PITPNC1: variants seen among roughly 807,000 people sequenced by gnomAD.
The protein encoded by PITPNC1 is cytoplasmic phosphatidylinositol transfer protein 1.
A neutral mutation model predicts 44.7 loss-of-function variants in PITPNC1; 18 were observed. The ratio of observed to expected loss-of-function variants is 0.40; its 90% CI spans 0.28 to 0.60. The LOEUF (loss-of-function observed/expected upper bound fraction) is 0.60, where lower values mean the gene tolerates loss of function less well. PITPNC1 is among the 20% of genes least tolerant of loss of function. PITPNC1 has a pLI of 0.39. For missense variants in PITPNC1, 290 were observed against 418.4 expected, an observed-to-expected ratio of 0.69 and a Z score of 2.68; for synonymous variants, 141 against 149.6, an observed-to-expected ratio of 0.94 and a Z score of 0.42.
chr17:67,378,085 G>C lies in PITPNC1; in HGVS notation c.-70G>C. ...GCTCCGGGCGCCCTGCCCTGCGCCTGGGCAGCAGCCTTGCTGGTCTTGGGG... is the reference window on the plus strand; with the variant it reads ...GCTCCGGGCGCCCTGCCCTGCGCCTCGGCAGCAGCCTTGCTGGTCTTGGGG... On this transcript the variant is annotated 5_prime_UTR_variant, in exon 1 of 9. Transcript: ENST00000581322. The C allele has an allele frequency of 8.9e-7, 1 of 1,128,212 alleles. No individual in the cohort carries two copies. The highest frequency in any genetic ancestry group is 1.2e-6 in the Non-Finnish European group (1 of 812,816). 69.9% of individuals were successfully genotyped at this position (1,128,212 alleles called of 1,614,324 possible). A position where few individuals can be genotyped will look rare whatever the true frequency, so the allele number is the denominator to read the frequency against.
chr17:67,629,274 T>C (rs2041936391), intron 5 of PITPNC1, among the ~76,000 whole-genome samples: 1 of 7,108 alleles, frequency 1.4e-4, no homozygotes, highest in South Asian at 3.6e-3. Context: ...GTGGTTTTTG[T>C]TGTTGTTGTT....
chr17:67,595,404 C>G (rs1568057522), intron 5 of PITPNC1, among the ~76,000 whole-genome samples: 1 of 151,836 alleles, frequency 6.6e-6, no homozygotes, highest in Admixed American at 6.6e-5. Flanking sequence ...TCCCTGGATG[C>G]CATCTATCTG....
chr17:67,512,269 C>T (rs574905623), intron 1 of PITPNC1, among the ~76,000 whole-genome samples: 7 of 152,116 alleles, frequency 4.6e-5, no homozygotes, highest in African/African-American at 1.2e-4. Context: ...GAGGCCCAGG[C>T]GGGCGGATCA....
chr17:67,637,656 GCC>G (rs954745230), intron 6 of PITPNC1: 62 of 152,304 alleles, frequency 4.1e-4, no homozygotes, highest in African/African-American at 1.4e-3. Context: ...CTGCCCGATG[GCC>G]CTCGTGCCAT....
At chr17:67,621,024 A>G (rs2144312223) in intron 5 of PITPNC1, among the ~76,000 whole-genome samples, 1 of 151,990 alleles carries the variant, frequency 6.6e-6, no homozygotes, top group South Asian at 2.1e-4. Flanking sequence ...TGCAGGCACG[A>G]TGTGGGGTTG....
At chr17:67,388,571 TG>T (rs1391224644) in intron 1 of PITPNC1, among the ~76,000 whole-genome samples, 1 of 151,686 alleles carries the variant, frequency 6.6e-6, no homozygotes, top group Admixed American at 6.6e-5. Flanking sequence ...CCACCTGTCT[TG>T]GCCTCTCAAA....
intron 3 of PITPNC1, among the ~76,000 whole-genome samples, chr17:67,552,728 A>C (rs556012613): frequency 6.6e-5 from 10 of 151,894 alleles, no homozygotes; most frequent in Non-Finnish European, 1.5e-4. Flanking sequence ...TAAAAATACA[A>C]AACCAGGAGG....
intron 1 of PITPNC1, among the ~76,000 whole-genome samples, chr17:67,378,672 G>T (rs2037909489): frequency 6.6e-6 from 1 of 152,186 alleles, no homozygotes; most frequent in Admixed American, 6.5e-5. Context: ...AGCCCCGCGG[G>T]AGGAACCTCT....
intron 8 of PITPNC1, among the ~76,000 whole-genome samples, chr17:67,688,829 C>T (rs1350947567): frequency 1.3e-5 from 2 of 152,222 alleles, no homozygotes; most frequent in Non-Finnish European, 2.9e-5. Context: ...CTAAAAGATG[C>T]TAAGCTCAGT....
chr17:67,605,040 T>C (rs2041591337), intron 5 of PITPNC1, among the ~76,000 whole-genome samples: 2 of 150,576 alleles, frequency 1.3e-5, no homozygotes, highest in Admixed American at 6.6e-5. Context: ...AATCGCGCCA[T>C]TGCACTCCAG....
chr17:67,471,456 A>G (rs1018825939), intron 1 of PITPNC1: 2 of 362,846 alleles, frequency 5.5e-6, no homozygotes, highest in Admixed American at 8.5e-5. Context: ...CTACGTCTTC[A>G]TTTGAGAGAT....
chr17:67,685,647 T>C (rs1197692416), intron 8 of PITPNC1, among the ~76,000 whole-genome samples: 1 of 152,172 alleles, frequency 6.6e-6, no homozygotes, highest in African/African-American at 2.4e-5. Context: ...GAAGTTCCGC[T>C]CTGCCAAGAG....
chr17:67,489,615 G>C (rs924693323), intron 1 of PITPNC1, among the ~76,000 whole-genome samples: 1 of 152,170 alleles, frequency 6.6e-6, no homozygotes. Flanking sequence ...CTCAGCATGG[G>C]GACTTTTGAA....
chr17:67,630,802 C>T (rs1430836941), intron 5 of PITPNC1, among the ~76,000 whole-genome samples: 1 of 151,130 alleles, frequency 6.6e-6, no homozygotes. Context: ...ACCTCTGCCT[C>T]CTGGGTTCAA....
chr17:67,692,527 CTT>C, intron 8 of PITPNC1, 43 bp from the exon 9 acceptor site: 2 of 1,419,470 alleles, frequency 1.4e-6, no homozygotes, highest in Non-Finnish European at 2.0e-6. Context: ...ATTTGCCTCT[CTT>C]ATAAATAACT....
In PITPNC1 at chr17:67,696,623, T is replaced by C. The variant is rs992787133; in HGVS notation, c.*3735T>C. 1 of 152,226 alleles carries C rather than the reference T, an allele frequency of 6.6e-6. No homozygotes were observed. Among genetic ancestry groups the C allele is most frequent in the African/African-American group, 2.4e-5 (1 of 41,466 alleles). The allele number at this position is 152,226 out of a possible 1,614,324, so 9.4% of individuals were successfully genotyped here. ...CTGCAATCTGATTATGAATAAACTA[T>C]TTTAACTATTCATTCTTGCTGAAAC... On this transcript the variant is annotated 3_prime_UTR_variant, in exon 9 of 9. Coordinates refer to ENST00000581322, the MANE Select transcript of PITPNC1 (RefSeq NM_012417.4).
At chr17:67,529,586 TGCA>T (rs2040434219) in intron 1 of PITPNC1, among the ~76,000 whole-genome samples, 1 of 152,196 alleles carries the variant, frequency 6.6e-6, no homozygotes, top group African/African-American at 2.4e-5. Context: ...AAGGAACCCC[TGCA>T]CCTGTTGCAT....
chr17:67,502,748 G>GCA (rs2040050291), intron 1 of PITPNC1, among the ~76,000 whole-genome samples: 1 of 42,094 alleles, frequency 2.4e-5, no homozygotes, highest in African/African-American at 5.5e-5. Flanking sequence ...GCATTGCATT[G>GCA]TATTGTATTG....
In PITPNC1 at chr17:67,592,559, C is replaced by T. The variant is rs139381762; in HGVS notation, c.366+14302C>T. The stretch of plus-strand genomic sequence containing the variant: ...AAATTTTGAACAAAGAACAAGGAGG[C>T]GAAGTTCATCATATCTGATAACAAA... On this transcript the variant is annotated intron_variant, in intron 5 of 8. Transcript: ENST00000581322. 2.2e-4 allele frequency among the ~76,000 whole-genome samples: 34 copies of T among 152,070 alleles called. No homozygotes were observed. The East Asian group carries it at 5.6e-3, about 25-fold the overall frequency.
Sources: gnomAD v4.1 joint callset for allele counts (sites outside exome capture counted in the v4.1 genomes callset) on GRCh38, gnomAD v4.1.1 for gene constraint, MANE v1.5 for transcripts, NCBI Gene and HGNC (gene_info 2026-07-23, HGNC 2026-07-21) for gene names.